ZNF532: variants seen among roughly 807,000 people sequenced by gnomAD.
The protein encoded by ZNF532 is zinc finger protein 532.
A neutral mutation model predicts 89.3 loss-of-function variants in ZNF532; 22 were observed. That is an observed-to-expected ratio of 0.25 (90% CI 0.18 to 0.35). The LOEUF is 0.35. Among genes scored for constraint, ZNF532 ranks in the 10% least tolerant of loss-of-function variants. The pLI, the probability that ZNF532 is intolerant of heterozygous loss-of-function variation, is 1.00. For synonymous variants in ZNF532, 606 were observed against 649.6 expected (o/e 0.93, Z 1.02); for missense variants, 1,132 against 1,643.4 (o/e 0.69, Z 5.38).
chr18:58,953,352 C>T (rs1273153446), intron 6 of ZNF532, 166 bp from the exon 7 acceptor site: 1 of 625,334 alleles, frequency 1.6e-6, no homozygotes, highest in Non-Finnish European at 2.7e-6. Flanking sequence ...ACTTTTATCT[C>T]TTTTGAAATG....
At chr18:58,904,838 CTTTT>C (rs532227361) in intron 2 of ZNF532, among the ~76,000 whole-genome samples, 3 of 135,160 alleles carry the variant, frequency 2.2e-5, no homozygotes, top group Non-Finnish European at 1.6e-5. Context: ...CTATTTCTTT[CTTTT>C]TTTTTTTTTT....
At chr18:58,875,956 A>G (rs1344558321) in intron 2 of ZNF532, among the ~76,000 whole-genome samples, 7 of 129,496 alleles carry the variant, frequency 5.4e-5, no homozygotes, top group Admixed American at 8.1e-5. Context: ...TTTTTGAGAC[A>G]GAGTCTCGCT....
At chr18:58,867,607 TC>T (rs2056593408) in intron 2 of ZNF532, among the ~76,000 whole-genome samples, 1 of 152,078 alleles carries the variant, frequency 6.6e-6, no homozygotes, top group Non-Finnish European at 1.5e-5. Context: ...TGCCTGCAGT[TC>T]CTGTCACCGT....
intron 2 of ZNF532, among the ~76,000 whole-genome samples, chr18:58,866,605 G>A (rs541786129): frequency 1.3e-5 from 2 of 152,318 alleles, no homozygotes; most frequent in East Asian, 1.9e-4. Context: ...CCCCTACTTC[G>A]AAGTGGGCAT....
chr18:58,910,675 A>T (rs902295739), intron 2 of ZNF532, among the ~76,000 whole-genome samples: 7 of 151,896 alleles, frequency 4.6e-5, no homozygotes, highest in African/African-American at 1.7e-4. Context: ...GGGTTTCATC[A>T]TGTTGGCCAG....
chr18:58,939,891 A>C, intron 5 of ZNF532: 1 of 255,716 alleles, frequency 3.9e-6, no homozygotes, highest in Non-Finnish European at 7.4e-6. Flanking sequence ...TTTTCTTAAG[A>C]TGAATTTTTT....
At chr18:58,883,622 A>G (rs1223041038) in intron 2 of ZNF532, among the ~76,000 whole-genome samples, 1 of 152,148 alleles carries the variant, frequency 6.6e-6, no homozygotes, top group African/African-American at 2.4e-5. Flanking sequence ...GATATAGGGA[A>G]GGCATCCCTG....
At position 58,912,751 on chromosome 18, in the gene ZNF532, T is replaced by C. The variant is rs181422208; in HGVS notation, c.-17-5520T>C. Among the ~76,000 whole-genome samples the C allele has an allele frequency of 4.6e-5, 7 of 152,368 alleles. No individual in the cohort carries two copies. The East Asian group carries it at 1.3e-3, about 29-fold the overall frequency. On this transcript the variant is annotated intron_variant, in intron 2 of 9. Coordinates refer to ENST00000591808, the MANE Select transcript of ZNF532 (RefSeq NM_001375912.1). ...TTAAGAGATTCCATAGCTTTTTTCA[T>C]AACTGCTTATTTTTCTTTTCCACAT... is the stretch of plus-strand genomic sequence containing the variant.
intron 3 of ZNF532, among the ~76,000 whole-genome samples, chr18:58,933,402 A>C (rs1019679023): frequency 1.3e-5 from 2 of 152,192 alleles, no homozygotes; most frequent in Non-Finnish European, 2.9e-5. Context: ...GAATAAAAAA[A>C]GTCTTTTTAA....
chr18:58,962,804 T>C (rs1032321810), intron 7 of ZNF532, among the ~76,000 whole-genome samples: 6 of 152,098 alleles, frequency 3.9e-5, no homozygotes, highest in African/African-American at 1.2e-4. Flanking sequence ...GGTTTCACCA[T>C]GTTAGCCAGG....
At chr18:58,888,730 A>T (rs2058516992) in intron 2 of ZNF532, among the ~76,000 whole-genome samples, 1 of 4,994 alleles carries the variant, frequency 2.0e-4, no homozygotes, top group African/African-American at 1.1e-3. Context: ...TATATAAATT[A>T]TATATATATA....
chr18:58,942,412 T>G (rs1007257163), intron 5 of ZNF532, among the ~76,000 whole-genome samples: 1 of 144,186 alleles, frequency 6.9e-6, no homozygotes. Context: ...CCTTCCTAAG[T>G]GCAAGCCTAA....
Position 58,984,223 on chromosome 18 carries a change from C to T in ZNF532, c.3663C>T (p.His1221=), listed in dbSNP as rs762090742. ...CGTCTCACGTCTCTCTGTCCAGGCA[C>T]CTCTTCATCGTACACAAGTTAAAGG... The part of the protein sequence containing the change: ...CYTSHVSLSR[H]LFIVHKLKEP... Residue 1221 remains histidine, a synonymous_variant, in exon 10 of 10, where the codon CAC becomes CAT. Coordinates refer to ENST00000591808, the MANE Select transcript of ZNF532 (RefSeq NM_001375912.1). The T allele has an allele frequency of 1.8e-5, 29 of 1,611,812 alleles. No individual in the cohort carries two copies. Among genetic ancestry groups the T allele is most frequent in the Non-Finnish European group, 2.3e-5 (27 of 1,179,866 alleles).
intron 3 of ZNF532, among the ~76,000 whole-genome samples, chr18:58,932,868 ATATG>A (rs573824715): frequency 1.3e-5 from 2 of 152,238 alleles, no homozygotes; most frequent in African/African-American, 2.4e-5. Context: ...GTGTATGTAT[ATATG>A]TATGTATGTA....
At chr18:58,884,336 G>A (rs1474177451) in intron 2 of ZNF532, among the ~76,000 whole-genome samples, 2 of 152,246 alleles carry the variant, frequency 1.3e-5, no homozygotes, top group African/African-American at 4.8e-5. Flanking sequence ...AGCCAAGATT[G>A]TACCACTGTA....
intron 2 of ZNF532, among the ~76,000 whole-genome samples, chr18:58,877,522 C>T (rs904960034): frequency 5.9e-5 from 9 of 152,214 alleles, no homozygotes; most frequent in Admixed American, 3.9e-4. Flanking sequence ...GTTTTAACTT[C>T]CCCATCTCTC....
chr18:58,866,867 A>G (rs1162744685), intron 2 of ZNF532, among the ~76,000 whole-genome samples: 3 of 152,274 alleles, frequency 2.0e-5, no homozygotes, highest in African/African-American at 7.2e-5. Flanking sequence ...ATAGAGATAA[A>G]TGTAATCTTG....
chr18:58,936,309 CTAT>C (rs959254631), intron 4 of ZNF532, among the ~76,000 whole-genome samples: 1 of 152,230 alleles, frequency 6.6e-6, no homozygotes, highest in African/African-American at 2.4e-5. Context: ...CGTTTTGAAA[CTAT>C]TATTAATGGA....
intron 2 of ZNF532, among the ~76,000 whole-genome samples, chr18:58,889,196 C>T (rs1026617046): frequency 6.6e-5 from 10 of 151,466 alleles, no homozygotes; most frequent in African/African-American, 2.4e-4. Context: ...CTCTCTTTTC[C>T]AAGCATTTTA....
Sources: gnomAD v4.1 joint callset for allele counts (sites outside exome capture counted in the v4.1 genomes callset) on GRCh38, gnomAD v4.1.1 for gene constraint, MANE v1.5 for transcripts, NCBI Gene and HGNC (gene_info 2026-07-23, HGNC 2026-07-21) for gene names.